Variants in KCNK10 observed in about 807,000 individuals in gnomAD.
KCNK10 encodes the protein potassium channel subfamily K member 10.
A neutral mutation model predicts 47.7 loss-of-function variants in KCNK10; 25 were observed. The observed-to-expected ratio is 0.52, with a 90% CI of 0.38 to 0.73. The LOEUF (loss-of-function observed/expected upper bound fraction) is 0.73, where lower values mean the gene tolerates loss of function less well. Ranked by LOEUF, KCNK10 falls within the 30% of genes least tolerant of loss-of-function variation. The pLI is 0.00. For missense variants in KCNK10, 563 were observed against 714.5 expected (o/e 0.79, Z 2.42); for synonymous variants, 303 against 285.6 (o/e 1.06, Z -0.61).
intron 5 of KCNK10, among the ~76,000 whole-genome samples, chr14:88,191,249 C>CA (rs891960625): frequency 8.3e-5 from 12 of 144,668 alleles, no homozygotes; most frequent in South Asian, 2.3e-4. Flanking sequence ...AGACCCTGTT[C>CA]AAAAAAAACA....
intron 1 of KCNK10, among the ~76,000 whole-genome samples, chr14:88,280,524 A>G (rs573628346): frequency 6.6e-6 from 1 of 152,190 alleles, no homozygotes; most frequent in Admixed American, 6.5e-5. Flanking sequence ...ATTGCCTACT[A>G]TTGAGTTTCA....
intron 4 of KCNK10, among the ~76,000 whole-genome samples, chr14:88,207,168 C>CTT (rs55711197): frequency 0.036 from 3,840 of 107,518 alleles, 155 homozygotes; most frequent in African/African-American, 0.085. Context: ...AGGTCACTCT[C>CTT]TTTTTTTTTT....
intron 2 of KCNK10, among the ~76,000 whole-genome samples, chr14:88,249,040 G>A (rs1317631257): frequency 2.0e-5 from 3 of 152,096 alleles, no homozygotes; most frequent in Non-Finnish European, 4.4e-5. Flanking sequence ...TATCTTCCAC[G>A]AATAGTTCTC....
chr14:88,212,124 ATATATATCGAG>A (rs963700600), intron 4 of KCNK10, among the ~76,000 whole-genome samples: 1 of 74,162 alleles, frequency 1.3e-5, no homozygotes, highest in East Asian at 2.7e-4. Context: ...ATATATATAT[ATATATATCGAG>A]AGAGAGAGAG....
chr14:88,226,744 G>A (rs1021180703), intron 4 of KCNK10, among the ~76,000 whole-genome samples: 1 of 152,142 alleles, frequency 6.6e-6, no homozygotes, highest in African/African-American at 2.4e-5. Flanking sequence ...CTTGAGTTGA[G>A]ATAGTTGTCT....
At chr14:88,280,715 C>T (rs1429338006) in intron 1 of KCNK10, among the ~76,000 whole-genome samples, 1 of 152,138 alleles carries the variant, frequency 6.6e-6, no homozygotes, top group Non-Finnish European at 1.5e-5. Context: ...CTGTCCCTCC[C>T]CAATAGTTCT....
chr14:88,260,077 G>A lies in KCNK10; in HGVS notation c.402+3125C>T, dbSNP rs1022686712. ...TCTGCCTCAGCCTCCCTAGTAGCTG[G>A]GACCACAGGTGCACACCACCACGCC... is the stretch of plus-strand genomic sequence containing the variant. On this transcript the variant is annotated intron_variant, in intron 2 of 6. Transcript: ENST00000319231. The surrounding 1 kb of genome is among the most constrained non-coding windows in gnomAD (Gnocchi z 4.5). Among the ~76,000 whole-genome samples, 10 of 152,186 alleles carry A rather than the reference G, an allele frequency of 6.6e-5. No individual in the cohort carries two copies. Among genetic ancestry groups the A allele is most frequent in the African/African-American group, 2.2e-4 (9 of 41,500 alleles).
chr14:88,238,606 C>A (rs1448488679), intron 3 of KCNK10, among the ~76,000 whole-genome samples: 1 of 152,190 alleles, frequency 6.6e-6, no homozygotes, highest in Non-Finnish European at 1.5e-5. Flanking sequence ...GCCCAGGAAT[C>A]AAGGCTGCAG....
chr14:88,318,426 T>C (rs1257136639), intron 1 of KCNK10, among the ~76,000 whole-genome samples: 2 of 152,178 alleles, frequency 1.3e-5, no homozygotes, highest in African/African-American at 4.8e-5. Flanking sequence ...GTAAGTGAGA[T>C]GGTTTCAAAT....
intron 4 of KCNK10, among the ~76,000 whole-genome samples, chr14:88,201,727 T>C (rs531340282): frequency 6.6e-6 from 1 of 152,314 alleles, no homozygotes; most frequent in South Asian, 2.1e-4. Context: ...GCATAATAAA[T>C]GTCCTGGCTT....
chr14:88,314,052 T>A (rs1325662593), intron 1 of KCNK10, among the ~76,000 whole-genome samples: 1 of 152,248 alleles, frequency 6.6e-6, no homozygotes, highest in Non-Finnish European at 1.5e-5. Flanking sequence ...TGGTTGTTAT[T>A]GTGATCTTTA....
chr14:88,277,275 A>G (rs1887545707), intron 1 of KCNK10, among the ~76,000 whole-genome samples: 1 of 152,224 alleles, frequency 6.6e-6, no homozygotes, highest in South Asian at 2.1e-4. Context: ...AAAAAAAATA[A>G]ACAAGATCCA....
chr14:88,280,410 G>T (rs1021220538), intron 1 of KCNK10, among the ~76,000 whole-genome samples: 3 of 152,006 alleles, frequency 2.0e-5, no homozygotes, highest in Admixed American at 2.0e-4. Context: ...CACCCCTTTT[G>T]TTCTATATCC....
intron 1 of KCNK10, among the ~76,000 whole-genome samples, chr14:88,290,466 G>A (rs2139780296): frequency 6.6e-6 from 1 of 152,302 alleles, no homozygotes; most frequent in Middle Eastern, 3.4e-3. Context: ...AGCAGCAAGA[G>A]GAAACTAATG....
At chr14:88,219,982 A>C (rs1330068296) in intron 4 of KCNK10, among the ~76,000 whole-genome samples, 1 of 152,172 alleles carries the variant, frequency 6.6e-6, no homozygotes, top group African/African-American at 2.4e-5. Flanking sequence ...ATGTGATCTC[A>C]TTCTGGTCAA....
At position 88,260,031 on chromosome 14, in the gene KCNK10, C is replaced by T. The variant is rs1887065796; in HGVS notation, c.402+3171G>A. Among the ~76,000 whole-genome samples, 1 of 152,042 alleles carries T rather than the reference C, an allele frequency of 6.6e-6. No individual in the cohort carries two copies. Among genetic ancestry groups the T allele is most frequent in the African/African-American group, 2.4e-5 (1 of 41,382 alleles). On this transcript the variant is annotated intron_variant, in intron 2 of 6. Transcript: ENST00000319231. The surrounding 1 kb of genome is among the most constrained non-coding windows in gnomAD (Gnocchi z 4.5). ...GATCTCGGCTCACTGCAACCTCTGC[C>T]TCCCAGGTTCAAGCAATTCTTCTGC...
chr14:88,276,990 T>A (rs887841841), intron 1 of KCNK10, among the ~76,000 whole-genome samples: 1 of 152,274 alleles, frequency 6.6e-6, no homozygotes, highest in African/African-American at 2.4e-5. Flanking sequence ...CAGCACAGTC[T>A]GTGTGCATCA....
intron 4 of KCNK10, among the ~76,000 whole-genome samples, chr14:88,199,651 A>G (rs1466737714): frequency 6.6e-6 from 1 of 152,176 alleles, no homozygotes; most frequent in Non-Finnish European, 1.5e-5. Context: ...TCTCTTAGCT[A>G]TGCAGCTGTT....
intron 2 of KCNK10, among the ~76,000 whole-genome samples, chr14:88,245,867 G>A (rs1170290571): frequency 6.6e-6 from 1 of 152,166 alleles, no homozygotes. Flanking sequence ...CACAGGACAG[G>A]TGCAACCCAG....
Sources: gnomAD v4.1 joint callset for allele counts (sites outside exome capture counted in the v4.1 genomes callset) on GRCh38, gnomAD v4.1.1 for gene constraint, Gnocchi (gnomAD v3.1) non-coding constraint, MANE v1.5 for transcripts, NCBI Gene and HGNC (gene_info 2026-07-23, HGNC 2026-07-21) for gene names.